The following ITK variants were observed in gnomAD, a reference collection of about 807,000 sequenced individuals.
ITK encodes IL2 inducible T cell kinase.
Under a neutral mutation model 87.6 loss-of-function variants are expected in ITK, and 45 were observed. That is an observed-to-expected ratio of 0.51 (90% CI 0.40 to 0.66). The LOEUF is 0.66. Among genes scored for constraint, ITK ranks in the 30% least tolerant of loss-of-function variants. The pLI, the probability that ITK is intolerant of heterozygous loss-of-function variation, is 0.00. For missense variants in ITK, 605 were observed against 766.3 expected, an observed-to-expected ratio of 0.79 and a Z score of 2.48; for synonymous variants, 303 against 273.6, an observed-to-expected ratio of 1.11 and a Z score of -1.06.
chr5:157,210,573 T>C (rs547579883), intron 2 of ITK, among the ~76,000 whole-genome samples: 5 of 151,890 alleles, frequency 3.3e-5, no homozygotes, highest in African/African-American at 9.7e-5. Context: ...CTTTAAGTTT[T>C]AGGGTACATG....
At chr5:157,216,992 T>C (rs1206405461) in intron 4 of ITK, among the ~76,000 whole-genome samples, 6 of 152,112 alleles carry the variant, frequency 3.9e-5, no homozygotes, top group Non-Finnish European at 5.9e-5. Context: ...CGTCTACCTA[T>C]GCAGCCCATT....
At chr5:157,241,620 G>A (rs759995653) in intron 10 of ITK, 26 bp from the exon 11 acceptor site, 9 of 1,583,498 alleles carry the variant, frequency 5.7e-6, no homozygotes, top group Non-Finnish European at 7.8e-6. Context: ...CCTAACCACT[G>A]CTTCTTGGCT....
intron 1 of ITK, among the ~76,000 whole-genome samples, chr5:157,194,881 T>C (rs1181293520): frequency 6.6e-6 from 1 of 152,164 alleles, no homozygotes; most frequent in East Asian, 1.9e-4. Flanking sequence ...CCAAGCTAAG[T>C]TGGAAACTGA....
chr5:157,199,900 CATCT>C (rs1361000108), intron 1 of ITK: 2 of 152,194 alleles, frequency 1.3e-5, no homozygotes, highest in African/African-American at 4.8e-5. Flanking sequence ...CCTGCCCCCT[CATCT>C]ATCTATCAAG....
intron 2 of ITK, among the ~76,000 whole-genome samples, chr5:157,210,884 T>A (rs1182360017): frequency 5.3e-5 from 8 of 151,964 alleles, no homozygotes; most frequent in Non-Finnish European, 1.2e-4. Context: ...TTCTTGTGAG[T>A]CTTAAACTAT....
chr5:157,253,153 C>CCAAAGA lies in ITK; in HGVS notation c.*478_*479insAGACAA, dbSNP rs2113780049. The CCAAAGA allele has an allele frequency of 3.5e-6, 1 of 287,862 alleles. No individual in the cohort carries two copies. 17.8% of individuals were successfully genotyped at this position (287,862 alleles called of 1,614,324 possible). A position where few individuals can be genotyped will look rare whatever the true frequency, so the allele number is the denominator to read the frequency against. On this transcript the variant is annotated 3_prime_UTR_variant, in exon 17 of 17. Coordinates refer to ENST00000422843, the MANE Select transcript of ITK (RefSeq NM_005546.4). ...GGGAACAAAGAGCATGAGTCTTTTT[C>CCAAAGA]CAAGAAAACTGGTGAGTTAAGTAAG... is the stretch of plus-strand genomic sequence containing the variant.
At chr5:157,226,780 G>C (rs572979309) in intron 6 of ITK, among the ~76,000 whole-genome samples, 1 of 151,632 alleles carries the variant, frequency 6.6e-6, no homozygotes, top group East Asian at 1.9e-4. Context: ...AAACTATCAG[G>C]CATCTTTTTT....
At chr5:157,198,125 A>AG (rs1370078612) in intron 1 of ITK, among the ~76,000 whole-genome samples, 2 of 92,924 alleles carry the variant, frequency 2.2e-5, no homozygotes, top group African/African-American at 2.9e-5. Flanking sequence ...TCTCTTAAGA[A>AG]AAAAAAAAAA....
intron 6 of ITK, among the ~76,000 whole-genome samples, chr5:157,226,537 G>T (rs899102577): frequency 6.6e-6 from 1 of 152,172 alleles, no homozygotes; most frequent in African/African-American, 2.4e-5. Context: ...TATGAAGGAT[G>T]ATTCTGAGGG....
intron 1 of ITK, among the ~76,000 whole-genome samples, chr5:157,190,069 A>C (rs183215538): frequency 6.6e-6 from 1 of 152,322 alleles, no homozygotes; most frequent in East Asian, 1.9e-4. Context: ...CAGTCTTCTC[A>C]GTTCCTTGAA....
At chr5:157,182,271 C>T (rs147355349) in intron 1 of ITK, among the ~76,000 whole-genome samples, 32 of 152,192 alleles carry the variant, frequency 2.1e-4, no homozygotes, top group Middle Eastern at 3.4e-3. Context: ...TGGAGTCTGA[C>T]TTAGTAGGTG....
At chr5:157,218,805 G>A (rs555883077) in intron 5 of ITK, among the ~76,000 whole-genome samples, 1 of 152,250 alleles carries the variant, frequency 6.6e-6, no homozygotes, top group Non-Finnish European at 1.5e-5. Flanking sequence ...TCAAAGTATA[G>A]TCCATGGACC....
intron 1 of ITK, among the ~76,000 whole-genome samples, chr5:157,191,561 G>A (rs1321079087): frequency 6.6e-6 from 1 of 152,146 alleles, no homozygotes; most frequent in Non-Finnish European, 1.5e-5. Context: ...TTTCCCTCAT[G>A]CAGATGTATC....
chr5:157,240,428 C>A, intron 10 of ITK: 1 of 578,438 alleles, frequency 1.7e-6, no homozygotes, highest in South Asian at 1.9e-5. Context: ...CAACCCCCTG[C>A]CACATCCCTC....
In ITK at chr5:157,244,413, A is replaced by T; in HGVS notation, c.1384A>T (p.Met462Leu). 1.9e-6 allele frequency: 3 copies of T among 1,613,980 alleles called. No homozygotes were observed. The highest frequency in any genetic ancestry group is 2.5e-6 in the Non-Finnish European group (3 of 1,179,860). ...GLFAAETLLG[M>L]CLDVCEGMAY... ...TTTTGCTGCAGAGACCCTGCTGGGC[A>T]TGTGTCTGGATGTGTGTGAGGGCAT... The change falls in exon 13 of 17, where the codon ATG (methionine) becomes TTG (leucine). Residue 462 changes from methionine (M) to leucine (L), a missense_variant. Physicochemically the swap from Met to Leu is conservative, Grantham distance 15. This residue lies in a region of ITK where 464 missense variants were observed against 578.0 expected (regional missense o/e 0.80). Transcript: ENST00000422843.
intron 1 of ITK, among the ~76,000 whole-genome samples, chr5:157,202,206 A>ATTTTCTTTTC (rs71577321): frequency 4.0e-5 from 6 of 151,680 alleles, no homozygotes; most frequent in Non-Finnish European, 5.9e-5. Flanking sequence ...TGTTTACCAC[A>ATTTTCTTTTC]TTTTCTTTTC....
chr5:157,243,518 TAAC>T lies in ITK; in HGVS notation c.1061-102_1061-100del. The T allele has an allele frequency of 4.4e-6, 4 of 916,528 alleles. No individual in the cohort carries two copies. In the Admixed American group the frequency reaches 6.8e-5, roughly 16 times the overall value. The allele number at this position is 916,528 out of a possible 1,614,324, so 56.8% of individuals were successfully genotyped here. A position where few individuals can be genotyped will look rare whatever the true frequency, so the allele number is the denominator to read the frequency against. ...TTTATTTGCCATCTTTGAATTATAT[TAAC>T]AATAGGCTAAAATTCTAGTTAGGGC... On this transcript the variant is annotated intron_variant, in intron 11 of 16. Transcript: ENST00000422843.
intron 1 of ITK, among the ~76,000 whole-genome samples, chr5:157,185,748 G>GT (rs1753629704): frequency 6.6e-6 from 1 of 151,940 alleles, no homozygotes; most frequent in South Asian, 2.1e-4. Flanking sequence ...GGAGGGTGAG[G>GT]TGGGAGGATC....
intron 6 of ITK, among the ~76,000 whole-genome samples, chr5:157,226,703 T>C (rs947710416): frequency 6.6e-6 from 1 of 152,212 alleles, no homozygotes; most frequent in Non-Finnish European, 1.5e-5. Flanking sequence ...CCCATAAACA[T>C]AATCACTAGA....
Sources: gnomAD v4.1 joint callset for allele counts (sites outside exome capture counted in the v4.1 genomes callset) on GRCh38, gnomAD v4.1.1 for gene constraint, gnomAD v4.1.1 regional missense constraint, MANE v1.5 for transcripts, NCBI Gene and HGNC (gene_info 2026-07-23, HGNC 2026-07-21) for gene names.